The following TJP1 variants were observed in gnomAD, a reference collection of about 807,000 sequenced individuals.
TJP1 encodes the protein tight junction protein ZO-1.
A neutral mutation model predicts 194.2 loss-of-function variants in TJP1; 43 were observed. That is an observed-to-expected ratio of 0.22 (90% CI 0.17 to 0.29). The LOEUF (loss-of-function observed/expected upper bound fraction) is 0.29. Among genes scored for constraint, TJP1 ranks in the 10% least tolerant of loss-of-function variants. The pLI is 1.00. For synonymous variants in TJP1, 801 were observed against 779.0 expected (o/e 1.03, Z -0.47); for missense variants, 1,971 against 2,185.7 (o/e 0.90, Z 1.96).
chr15:29,903,223 T>C (rs1472202295), intron 2 of TJP1, among the ~76,000 whole-genome samples: 1 of 152,136 alleles, frequency 6.6e-6, no homozygotes, highest in Non-Finnish European at 1.5e-5. Context: ...TCATCGTTTT[T>C]AAGCTCCATA....
chr15:29,727,044 A>T, intron 16 of TJP1, 53 bp from the exon 17 acceptor site: 1 of 1,539,644 alleles, frequency 6.5e-7, no homozygotes, highest in Non-Finnish European at 8.9e-7. Context: ...ATTAATTAAG[A>T]ATCACCAAAT....
In TJP1 at chr15:29,852,869, A is replaced by G. The variant is rs889888686; in HGVS notation, c.307-52167T>C. The stretch of plus-strand genomic sequence containing the variant: ...CAGTGAGCCGAGATCATGCCATTGC[A>G]TTCCAGCCTGGGCAACCACAGCGAA... On this transcript the variant is annotated intron_variant, in intron 2 of 28. Transcript: ENST00000356107. Among the ~76,000 whole-genome samples, 4 of 152,044 alleles carry G rather than the reference A, an allele frequency of 2.6e-5. No individual in the cohort carries two copies. The South Asian group carries it at 8.3e-4, about 32-fold the overall frequency.
chr15:29,776,336 A>C (rs868824538), intron 2 of TJP1, among the ~76,000 whole-genome samples: 8 of 152,184 alleles, frequency 5.3e-5, no homozygotes, highest in Non-Finnish European at 8.8e-5. Context: ...TTCACCGCTG[A>C]AGAGAAAACA....
rs1230513813 is a variant in TJP1 at position 29,746,014 on chromosome 15, T to A, written c.1011-3233A>T. 3.3e-5 allele frequency among the ~76,000 whole-genome samples: 5 copies of A among 152,212 alleles called. No homozygotes were observed. The East Asian group carries it at 9.6e-4, about 29-fold the overall frequency. Reference sequence around the variant, plus strand: ...ATTTGATCTATTTCACTTGTTCTAATAAGCATGCATTGTTTGTAAAAGACT... The same window carrying A: ...ATTTGATCTATTTCACTTGTTCTAAAAAGCATGCATTGTTTGTAAAAGACT... On this transcript the variant is annotated intron_variant, in intron 8 of 27. Coordinates refer to ENST00000614355, the MANE Select transcript of TJP1 (RefSeq NM_001330239.4).
At chr15:29,949,663 C>T (rs1280679255) in intron 2 of TJP1, among the ~76,000 whole-genome samples, 26 of 111,348 alleles carry the variant, frequency 2.3e-4, no homozygotes, top group African/African-American at 7.3e-4. Context: ...CCTCCACCTC[C>T]ACAACCACCA....
At chr15:29,768,857 A>G (rs2046478818) in intron 4 of TJP1, among the ~76,000 whole-genome samples, 1 of 152,228 alleles carries the variant, frequency 6.6e-6, no homozygotes, top group East Asian at 1.9e-4. Flanking sequence ...GCCTACTTCA[A>G]AATAGTTTAG....
chr15:29,785,339 C>T (rs2047633771), intron 2 of TJP1, among the ~76,000 whole-genome samples: 1 of 152,150 alleles, frequency 6.6e-6, no homozygotes, highest in Non-Finnish European at 1.5e-5. Context: ...TTTTACTGGA[C>T]ACTAGCCATG....
chr15:29,761,677 T>C lies in TJP1; in HGVS notation c.786A>G (p.Arg262=), dbSNP rs1475211354. Reference sequence around the variant, plus strand: ...CATTCAATAGCGTAGCCCGTTCATCTCTTTGAACTACCATTTTTAATTTGC... The same window carrying C: ...CATTCAATAGCGTAGCCCGTTCATCCCTTTGAACTACCATTTTTAATTTGC... ...SKGKLKMVVQ[R]DERATLLNVP... is the part of the protein sequence containing the mutation. Residue 262 remains arginine (R), a synonymous_variant, in exon 7 of 28, where the codon AGA becomes AGG. Transcript: ENST00000614355. The C allele has an allele frequency of 6.2e-7, 1 of 1,610,916 alleles. No individual in the cohort carries two copies. Among genetic ancestry groups the C allele is most frequent in the Non-Finnish European group, 8.5e-7 (1 of 1,177,392 alleles).
At chr15:29,767,546 CTAT>C (rs1312944783) in intron 4 of TJP1, among the ~76,000 whole-genome samples, 3 of 152,108 alleles carry the variant, frequency 2.0e-5, no homozygotes, top group Non-Finnish European at 4.4e-5. Flanking sequence ...AACTCCAGTC[CTAT>C]TATTACCTTC....
intron 2 of TJP1, among the ~76,000 whole-genome samples, chr15:29,904,258 G>A (rs1361349661): frequency 6.6e-6 from 1 of 152,144 alleles, no homozygotes; most frequent in East Asian, 1.9e-4. Context: ...CAACTGCTCT[G>A]CGGAGATGAG....
In TJP1 at chr15:29,949,263, CCACCACCTCCATCACCTCCACCGCCAT is replaced by C. The variant is rs1372563375; in HGVS notation, c.306+6942_306+6968del. Reference sequence around the variant, plus strand: ...TCCACCTTCACCACCACCTCCACCACCACCACCTCCATCACCTCCACCGCCATCACCTCCACCACCACCACCTCCACT... The same window carrying C: ...TCCACCTTCACCACCACCTCCACCACCACCTCCACCACCACCACCTCCACT... On this transcript the variant is annotated intron_variant, in intron 2 of 28. Coordinates refer to the TJP1 transcript ENST00000356107. 2.2e-3 allele frequency among the ~76,000 whole-genome samples: 260 copies of C among 115,942 alleles called. 3 individuals are homozygous for C. Among genetic ancestry groups the C allele is most frequent in the Admixed American group, 5.7e-3 (68 of 11,886 alleles). 76.1% of individuals were successfully genotyped at this position (115,942 alleles called of 152,430 possible). A position where few individuals can be genotyped will look rare whatever the true frequency, so the allele number is the denominator to read the frequency against.
chr15:29,733,357 T>C, intron 12 of TJP1, 44 bp from the exon 13 acceptor site: 1 of 1,340,940 alleles, frequency 7.5e-7, no homozygotes, highest in East Asian at 2.4e-5. Flanking sequence ...TTTAGTGGGA[T>C]AACAATCTGA....
chr15:29,720,836 G>A (rs2042885092), intron 18 of TJP1, 128 bp from the exon 19 acceptor site: 3 of 748,704 alleles, frequency 4.0e-6, no homozygotes, highest in African/African-American at 1.8e-5. Context: ...TGAAACTTCT[G>A]GTAAGGAAAA....
chr15:29,869,795 C>CTTTTTTTTT (rs11318770), intron 2 of TJP1, among the ~76,000 whole-genome samples: 35 of 56,062 alleles, frequency 6.2e-4, no homozygotes, highest in African/African-American at 1.1e-3. Context: ...TTCTTTCTTT[C>CTTTTTTTTT]TTTTTTTTTT....
At chr15:29,797,348 CCATG>C (rs1255321395) in intron 2 of TJP1, among the ~76,000 whole-genome samples, 1 of 152,118 alleles carries the variant, frequency 6.6e-6, no homozygotes, top group African/African-American at 2.4e-5. Context: ...CAGGCTTTCA[CCATG>C]TTGGCCAGGC....
Position 29,719,803 on chromosome 15 carries a change from A to G in TJP1, c.2977T>C (p.Leu993=). The part of the protein sequence containing the change: ...HIMLRDQEPS[L]SSHVDPTKVY... ...TTTGTTGGATCTACATGCGACGACA[A>G]TGATGGTTCTTGATCTCTTAGCATT... Residue 993 remains leucine (L), a synonymous_variant, in exon 20 of 28, where the codon TTG becomes CTG. Coordinates refer to ENST00000614355, the MANE Select transcript of TJP1 (RefSeq NM_001330239.4). 1 of 1,614,088 alleles carries G rather than the reference A, an allele frequency of 6.2e-7. No homozygotes were observed. The highest frequency in any genetic ancestry group is 8.5e-7 in the Non-Finnish European group (1 of 1,179,980).
At chr15:29,796,839 CA>C (rs2151855329) in intron 2 of TJP1, among the ~76,000 whole-genome samples, 1 of 152,068 alleles carries the variant, frequency 6.6e-6, no homozygotes, top group African/African-American at 2.4e-5. Flanking sequence ...ATCAACAGAC[CA>C]GACAAGGGAG....
At chr15:29,875,036 A>G (rs1173371422) in intron 2 of TJP1, among the ~76,000 whole-genome samples, 2 of 152,212 alleles carry the variant, frequency 1.3e-5, no homozygotes, top group South Asian at 2.1e-4. Flanking sequence ...TAAGCAGAAA[A>G]GTGACTTGCC....
At chr15:29,838,011 C>A (rs1287094929) in intron 2 of TJP1, among the ~76,000 whole-genome samples, 1 of 152,164 alleles carries the variant, frequency 6.6e-6, no homozygotes, top group African/African-American at 2.4e-5. Context: ...TCCAGCTCTC[C>A]AAAAATGTCC....
Sources: allele counts gnomAD v4.1 joint callset (sites outside exome capture counted in the v4.1 genomes callset), GRCh38; gene constraint gnomAD v4.1.1; transcripts MANE v1.5; gene names NCBI Gene and HGNC (gene_info 2026-07-23, HGNC 2026-07-21).